The following PPFIA2 variants were observed in gnomAD, a reference collection of about 807,000 sequenced individuals.
The protein encoded by PPFIA2 is liprin-alpha-2.
PPFIA2 carries 46 observed loss-of-function variants against 175.5 expected under a neutral mutation model. The ratio of observed to expected loss-of-function variants is 0.26; its 90% confidence interval spans 0.21 to 0.34. The LOEUF (loss-of-function observed/expected upper bound fraction) is 0.34, where lower values mean the gene tolerates loss of function less well. Ranked by LOEUF, PPFIA2 falls within the 10% of genes least tolerant of loss-of-function variation. The pLI is 1.00. For missense variants in PPFIA2, 1,179 were observed against 1,506.1 expected (o/e 0.78, Z 3.60); for synonymous variants, 568 against 511.4 (o/e 1.11, Z -1.49).
intron 4 of PPFIA2, among the ~76,000 whole-genome samples, chr12:81,563,266 T>C (rs2070574618): frequency 6.6e-6 from 1 of 152,184 alleles, no homozygotes; most frequent in Non-Finnish European, 1.5e-5. Context: ...CACTAGATCC[T>C]GAGCCTGAAC....
At chr12:81,678,857 G>A (rs1279874679) in intron 3 of PPFIA2, among the ~76,000 whole-genome samples, 4 of 151,492 alleles carry the variant, frequency 2.6e-5, no homozygotes, top group African/African-American at 4.8e-5. Flanking sequence ...TAATTATATC[G>A]GCATTTTTTG....
At chr12:81,394,066 T>G (rs1305125703) in intron 8 of PPFIA2, among the ~76,000 whole-genome samples, 2 of 152,076 alleles carry the variant, frequency 1.3e-5, no homozygotes. Flanking sequence ...GCTAAAAATA[T>G]GCAATAGCAG....
intron 4 of PPFIA2, among the ~76,000 whole-genome samples, chr12:81,492,322 T>C (rs552556171): frequency 6.6e-6 from 1 of 151,882 alleles, no homozygotes; most frequent in African/African-American, 2.4e-5. Flanking sequence ...TGCCAGAAAA[T>C]GGGATTATAG....
At chr12:81,755,798 T>C (rs898920663) in intron 2 of PPFIA2, among the ~76,000 whole-genome samples, 1 of 152,162 alleles carries the variant, frequency 6.6e-6, no homozygotes, top group African/African-American at 2.4e-5. Context: ...GAATTTAATT[T>C]GTTCAATTTT....
chr12:81,394,266 C>T (rs995990721), intron 8 of PPFIA2, among the ~76,000 whole-genome samples: 5 of 152,070 alleles, frequency 3.3e-5, no homozygotes, highest in African/African-American at 1.2e-4. Flanking sequence ...ACCAGACTTA[C>T]TGTTACTTGG....
intron 8 of PPFIA2, among the ~76,000 whole-genome samples, chr12:81,401,905 A>T (rs921786952): frequency 2.6e-5 from 4 of 152,186 alleles, no homozygotes; most frequent in African/African-American, 9.6e-5. Flanking sequence ...ATTTAAGACC[A>T]CACAGAAATA....
At chr12:81,540,976 C>T (rs1197057170) in intron 4 of PPFIA2, among the ~76,000 whole-genome samples, 1 of 152,040 alleles carries the variant, frequency 6.6e-6, no homozygotes, top group Non-Finnish European at 1.5e-5. Flanking sequence ...CCAGGGGTGC[C>T]TGCTATCCTG....
At chr12:81,730,857 T>C (rs116314575) in intron 3 of PPFIA2, among the ~76,000 whole-genome samples, 2,667 of 151,682 alleles carry the variant, frequency 0.018, 37 homozygotes, top group South Asian at 0.042. Flanking sequence ...TATATGAGAA[T>C]TGGTCTAGAA....
At chr12:81,430,480 A>G (rs1214466319) in intron 7 of PPFIA2, 1 of 151,544 alleles carries the variant, frequency 6.6e-6, no homozygotes, top group Non-Finnish European at 1.5e-5. Context: ...ATAATCCTCC[A>G]TGCCTTCAAG....
At chr12:81,528,068 A>G (rs2063952913) in intron 4 of PPFIA2, among the ~76,000 whole-genome samples, 1 of 152,096 alleles carries the variant, frequency 6.6e-6, no homozygotes, top group Admixed American at 6.6e-5. Context: ...AGTTCCATGA[A>G]AGAGGGTTTT....
chr12:81,262,168 T>C (rs1638276942), intron 31 of PPFIA2, 128 bp from the exon 32 acceptor site: 1 of 658,270 alleles, frequency 1.5e-6, no homozygotes, highest in Non-Finnish European at 2.7e-6. Context: ...CTCTCAGATA[T>C]AAGCCACTCA....
intron 4 of PPFIA2, among the ~76,000 whole-genome samples, chr12:81,569,987 C>T (rs760480585): frequency 2.6e-5 from 4 of 152,104 alleles, no homozygotes; most frequent in African/African-American, 9.7e-5. Flanking sequence ...TACCTATAAG[C>T]TCTTTCTCCC....
At chr12:81,481,813 T>C (rs142032838) in intron 4 of PPFIA2, among the ~76,000 whole-genome samples, 2,271 of 152,236 alleles carry the variant, frequency 0.015, 48 homozygotes, top group East Asian at 0.044. Context: ...GGTAATACCA[T>C]TCAGGACATA....
At chr12:81,327,365 G>A (rs1297428358) in intron 21 of PPFIA2, among the ~76,000 whole-genome samples, 1 of 151,954 alleles carries the variant, frequency 6.6e-6, no homozygotes, top group Non-Finnish European at 1.5e-5. Context: ...TTCTACTGGT[G>A]ACTAAAGTAC....
chr12:81,383,232 T>C (rs545986631), intron 9 of PPFIA2, among the ~76,000 whole-genome samples: 1 of 152,254 alleles, frequency 6.6e-6, no homozygotes, highest in East Asian at 1.9e-4. Context: ...GCTAGTTATA[T>C]ACAAAAGATA....
intron 3 of PPFIA2, among the ~76,000 whole-genome samples, chr12:81,708,020 T>C (rs2077419095): frequency 9.9e-6 from 1 of 101,114 alleles, no homozygotes; most frequent in Non-Finnish European, 1.9e-5. Context: ...TGGGGACTGT[T>C]GTGGGGTGGG....
chr12:81,374,599 T>C, intron 11 of PPFIA2, 35 bp downstream of exon 11: 1 of 1,545,452 alleles, frequency 6.5e-7, no homozygotes, highest in Non-Finnish European at 8.7e-7. Flanking sequence ...TTTCTACAAA[T>C]ATATCTAGGT....
At chr12:81,404,633 C>T (rs897010228) in intron 8 of PPFIA2, among the ~76,000 whole-genome samples, 6 of 152,146 alleles carry the variant, frequency 3.9e-5, no homozygotes, top group South Asian at 4.1e-4. Flanking sequence ...CTATAAAATA[C>T]ATGGATAAAG....
intron 3 of PPFIA2, among the ~76,000 whole-genome samples, chr12:81,697,628 G>C (rs957043685): frequency 2.0e-5 from 3 of 152,102 alleles, no homozygotes; most frequent in African/African-American, 7.2e-5. Context: ...AGATAGCATA[G>C]TTTTCCTTAG....
Sources: gnomAD v4.1 joint callset for allele counts (sites outside exome capture counted in the v4.1 genomes callset) on GRCh38, gnomAD v4.1.1 for gene constraint, MANE v1.5 for transcripts, NCBI Gene and HGNC (gene_info 2026-07-23, HGNC 2026-07-21) for gene names.